LRRFIP1: variants seen among roughly 807,000 people sequenced by gnomAD.
LRRFIP1 encodes the protein leucine-rich repeat flightless-interacting protein 1.
In LRRFIP1, 62 loss-of-function variants were observed where a neutral mutation model predicts 104.4. The observed-to-expected ratio is 0.59, with a 90% confidence interval of 0.48 to 0.73. The LOEUF (loss-of-function observed/expected upper bound fraction) is 0.73. Among genes scored for constraint, LRRFIP1 ranks in the 30% least tolerant of loss-of-function variants. The probability of loss-of-function intolerance (pLI) is 0.00; values close to 1 mark genes in which losing one functional copy is unlikely to be tolerated. For synonymous variants in LRRFIP1, 300 were observed against 299.0 expected (o/e 1.00, Z -0.03); for missense variants, 796 against 824.5 (o/e 0.97, Z 0.42).
At chr2:237,631,323 T>C (rs1232897263) in intron 1 of LRRFIP1, among the ~76,000 whole-genome samples, 3 of 152,214 alleles carry the variant, frequency 2.0e-5, no homozygotes, top group Admixed American at 6.5e-5. Context: ...GGCAGGGCTT[T>C]GCACTCTTCT....
At chr2:237,642,735 G>A (rs35904747) in intron 1 of LRRFIP1, among the ~76,000 whole-genome samples, 18,645 of 150,922 alleles carry the variant, frequency 0.12, 1,595 homozygotes, top group Non-Finnish European at 0.2. Context: ...TTCCAGGCTA[G>A]GGGTTTCAGG....
chr2:237,664,756 C>T lies in LRRFIP1; in HGVS notation c.96+37016C>T, dbSNP rs139632351. On this transcript the variant is annotated intron_variant, in intron 1 of 23. Coordinates refer to ENST00000308482, the MANE Select transcript of LRRFIP1 (RefSeq NM_001137550.2). ...CCCCATCCTTCTCTGGTATAAAGAA[C>T]GTTGCGATGAACATCCACTGGCAAT... 5.2e-4 allele frequency among the ~76,000 whole-genome samples: 79 copies of T among 152,318 alleles called. 1 individual carries two copies. The highest frequency in any genetic ancestry group is 1.7e-3 in the African/African-American group (72 of 41,576).
Position 237,749,559 on chromosome 2 carries a change from C to T in LRRFIP1, c.795+235C>T, listed in dbSNP as rs981834154. ...CCCAGCAGGGCGGACCGTGTGCCGG[C>T]CCCCTGCGCCCCTCAGCACCCGGGG... On this transcript the variant is annotated intron_variant, in intron 13 of 23. Transcript: ENST00000308482. Among the ~76,000 whole-genome samples the T allele has an allele frequency of 3.9e-5, 6 of 152,146 alleles. No homozygotes were observed. In the East Asian group the frequency reaches 9.6e-4, roughly 24 times the overall value.
chr2:237,666,715 T>C (rs1575287121), intron 1 of LRRFIP1, among the ~76,000 whole-genome samples: 1 of 149,690 alleles, frequency 6.7e-6, no homozygotes. Flanking sequence ...TAGAGTGGAG[T>C]GCGCTTTCTT....
At chr2:237,694,527 G>A (rs963536424) in intron 1 of LRRFIP1, among the ~76,000 whole-genome samples, 2 of 152,196 alleles carry the variant, frequency 1.3e-5, no homozygotes, top group Non-Finnish European at 2.9e-5. Flanking sequence ...CTGGGTATAG[G>A]CACAGGAAAG....
Position 237,735,334 on chromosome 2 carries a change from G to A in LRRFIP1, c.555+1G>A, listed in dbSNP as rs780253964. 2.5e-6 allele frequency: 4 copies of A among 1,612,852 alleles called. No individual in the cohort carries two copies. Among genetic ancestry groups the A allele is most frequent in the South Asian group, 2.2e-5 (2 of 91,034 alleles). On this transcript the variant is annotated splice_donor_variant, in intron 10 of 23. Transcript: ENST00000308482. LOFTEE classifies it high-confidence loss of function. The surrounding 1 kb of genome is among the most constrained non-coding windows in gnomAD (Gnocchi z 4.6). ...GGGCAGCACCTCCGGCTCCCGTGCTGTAAGGCGCTTTCGGTGATACCTCCT... is the reference window on the plus strand; with the variant it reads ...GGGCAGCACCTCCGGCTCCCGTGCTATAAGGCGCTTTCGGTGATACCTCCT...
At chr2:237,670,452 A>G (rs752313439) in intron 1 of LRRFIP1, among the ~76,000 whole-genome samples, 2 of 152,232 alleles carry the variant, frequency 1.3e-5, no homozygotes, top group African/African-American at 2.4e-5. Flanking sequence ...AGCCAGCAAC[A>G]CCGACAGCCC....
chr2:237,709,275 T>TA (rs1280957086), intron 2 of LRRFIP1, among the ~76,000 whole-genome samples: 2 of 152,188 alleles, frequency 1.3e-5, no homozygotes, highest in Non-Finnish European at 2.9e-5. Flanking sequence ...AACTCACAGT[T>TA]ATGGTGTGAC....
At chr2:237,677,873 A>G (rs2091347698) in intron 1 of LRRFIP1, among the ~76,000 whole-genome samples, 1 of 152,168 alleles carries the variant, frequency 6.6e-6, no homozygotes, top group South Asian at 2.1e-4. Context: ...TTAGACTTGG[A>G]GCTCTAATAT....
chr2:237,629,220 G>A (rs1200762277), intron 1 of LRRFIP1, among the ~76,000 whole-genome samples: 1 of 152,206 alleles, frequency 6.6e-6, no homozygotes, highest in Non-Finnish European at 1.5e-5. Flanking sequence ...GAAGTACAAG[G>A]CATTTAAAGG....
intron 1 of LRRFIP1, among the ~76,000 whole-genome samples, chr2:237,695,757 GT>G (rs575029627): frequency 1.4e-3 from 199 of 141,840 alleles, no homozygotes; most frequent in Non-Finnish European, 1.8e-3. Flanking sequence ...TTTGTTTTTT[GT>G]TTTTTTTTTT....
intron 11 of LRRFIP1, among the ~76,000 whole-genome samples, chr2:237,746,871 C>G (rs929080740): frequency 1.3e-5 from 2 of 152,172 alleles, no homozygotes; most frequent in African/African-American, 4.8e-5. Context: ...AGAGGGACCA[C>G]CCCACCACCA....
intron 1 of LRRFIP1, among the ~76,000 whole-genome samples, chr2:237,673,063 G>A (rs1442954644): frequency 2.0e-5 from 3 of 152,342 alleles, no homozygotes; most frequent in Admixed American, 1.3e-4. Flanking sequence ...CAGTGAAGGA[G>A]GGACCTTCTC....
At chr2:237,764,168 C>T (rs1299369881) in intron 19 of LRRFIP1, 1 of 1,613,972 alleles carries the variant, frequency 6.2e-7, no homozygotes, top group South Asian at 1.1e-5. Context: ...GCGCGGTGCA[C>T]AGGAAGTCTC....
At chr2:237,744,999 G>A (rs899509723) in intron 11 of LRRFIP1, among the ~76,000 whole-genome samples, 1 of 152,266 alleles carries the variant, frequency 6.6e-6, no homozygotes, top group Non-Finnish European at 1.5e-5. Flanking sequence ...CCGTGACAGT[G>A]TTTAGAATCC....
intron 1 of LRRFIP1, among the ~76,000 whole-genome samples, chr2:237,637,057 C>T (rs575246513): frequency 2.0e-5 from 3 of 152,320 alleles, no homozygotes; most frequent in African/African-American, 7.2e-5. Context: ...CTACACAGCT[C>T]AAACAAAGGA....
chr2:237,769,837 C>G, intron 19 of LRRFIP1, 106 bp from the exon 20 acceptor site: 1 of 838,204 alleles, frequency 1.2e-6, no homozygotes, highest in Non-Finnish European at 2.0e-6. Flanking sequence ...ATAACTACTT[C>G]CATCATTCAT....
Position 237,758,739 on chromosome 2 carries a change from G to A in LRRFIP1, c.1235G>A (p.Arg412Lys). ...WKDKKIGALE[R>K]QKEFFDSVRS... Reference sequence around the variant, plus strand: ...CTGCTGCACACTCAGGCATTAGAGAGGCAGAAAGAGTTCTTTGATTCCGTA... The same window carrying A: ...CTGCTGCACACTCAGGCATTAGAGAAGCAGAAAGAGTTCTTTGATTCCGTA... The change falls in exon 18 of 24, where the codon AGG (arginine) becomes AAG (lysine). Residue 412 changes from arginine (R) to lysine (K), a missense_variant. Arg to Lys is a conservative substitution (Grantham distance 26). Coordinates refer to ENST00000308482, the MANE Select transcript of LRRFIP1 (RefSeq NM_001137550.2). 6.2e-7 allele frequency: 1 copy of A among 1,612,130 alleles called. No homozygotes were observed. Among genetic ancestry groups the A allele is most frequent in the Non-Finnish European group, 8.5e-7 (1 of 1,178,844 alleles).
At chr2:237,714,394 T>A in intron 3 of LRRFIP1, 118 bp downstream of exon 3, 1 of 767,286 alleles carries the variant, frequency 1.3e-6, no homozygotes, top group Non-Finnish European at 2.1e-6. Flanking sequence ...TCTTACTGTT[T>A]ATTTTACTAC....
Sources: gnomAD v4.1 joint callset for allele counts (sites outside exome capture counted in the v4.1 genomes callset) on GRCh38, gnomAD v4.1.1 for gene constraint, Gnocchi (gnomAD v3.1) non-coding constraint, MANE v1.5 for transcripts, NCBI Gene and HGNC (gene_info 2026-07-23, HGNC 2026-07-21) for gene names.